The following CCSER1 variants were observed in gnomAD, a reference collection of about 807,000 sequenced individuals.
CCSER1 encodes the protein coiled-coil serine rich protein 1, also known as serine-rich coiled-coil domain-containing protein 1.
In CCSER1, 41 loss-of-function variants were observed where a neutral mutation model predicts 82.0. The ratio of observed to expected loss-of-function variants is 0.50; its 90% CI spans 0.39 to 0.65. The LOEUF (loss-of-function observed/expected upper bound fraction) is 0.65, where lower values mean the gene tolerates loss of function less well. Ranked by LOEUF, CCSER1 falls within the 30% of genes least tolerant of loss-of-function variation. The pLI is 0.00. For synonymous variants in CCSER1, 414 were observed against 383.9 expected (o/e 1.08, Z -0.92); for missense variants, 1,119 against 1,064.2 (o/e 1.05, Z -0.72).
intron 5 of CCSER1, among the ~76,000 whole-genome samples, chr4:90,577,054 T>C (rs1271303310): frequency 1.3e-5 from 2 of 152,138 alleles, no homozygotes; most frequent in Non-Finnish European, 2.9e-5. Flanking sequence ...ATTAATGTTC[T>C]GCATTTTGGC....
chr4:90,771,293 A>G (rs1201935877), intron 7 of CCSER1, among the ~76,000 whole-genome samples: 1 of 151,992 alleles, frequency 6.6e-6, no homozygotes, highest in African/African-American at 2.4e-5. Flanking sequence ...AAAATATATT[A>G]TTCTAAGATT....
chr4:90,448,457 A>ATG (rs1322180835), intron 4 of CCSER1, among the ~76,000 whole-genome samples: 2 of 105,306 alleles, frequency 1.9e-5, no homozygotes, highest in Non-Finnish European at 3.7e-5. Context: ...ATATATATAT[A>ATG]TATATATATA....
At chr4:91,259,604 C>G (rs1478211629) in intron 10 of CCSER1, among the ~76,000 whole-genome samples, 1 of 151,286 alleles carries the variant, frequency 6.6e-6, no homozygotes, top group Non-Finnish European at 1.5e-5. Context: ...CCCCCACCCT[C>G]CAACAGGCCC....
chr4:91,136,438 G>A (rs985176534), intron 10 of CCSER1, among the ~76,000 whole-genome samples: 1 of 152,104 alleles, frequency 6.6e-6, no homozygotes, highest in Non-Finnish European at 1.5e-5. Flanking sequence ...ATCAACCTGT[G>A]AGCATCTGTA....
chr4:90,169,727 T>C (rs903507196), intron 1 of CCSER1, among the ~76,000 whole-genome samples: 1 of 152,072 alleles, frequency 6.6e-6, no homozygotes, highest in African/African-American at 2.4e-5. Context: ...CTTCTTCCAT[T>C]CTCACTACAT....
At chr4:91,107,246 C>G (rs1369582418) in intron 10 of CCSER1, among the ~76,000 whole-genome samples, 1 of 151,908 alleles carries the variant, frequency 6.6e-6, no homozygotes, top group African/African-American at 2.4e-5. Context: ...AATAAAATCA[C>G]CTGACAATGC....
chr4:91,262,680 A>G (rs9307094), intron 10 of CCSER1, among the ~76,000 whole-genome samples: 41,297 of 151,930 alleles, frequency 0.27, 5,714 homozygotes, highest in South Asian at 0.39. Flanking sequence ...AAAAGATCAT[A>G]AAGCTCTTTA....
At chr4:91,516,573 T>C (rs1031942296) in intron 10 of CCSER1, among the ~76,000 whole-genome samples, 3 of 152,176 alleles carry the variant, frequency 2.0e-5, no homozygotes, top group African/African-American at 7.2e-5. Flanking sequence ...TATATGTCTG[T>C]TTTTTGTATT....
intron 8 of CCSER1, among the ~76,000 whole-genome samples, chr4:90,889,564 T>C (rs1026967303): frequency 6.6e-6 from 1 of 151,930 alleles, no homozygotes; most frequent in Non-Finnish European, 1.5e-5. Context: ...CTAGAGCAAA[T>C]TTTTTTTAAT....
intron 10 of CCSER1, among the ~76,000 whole-genome samples, chr4:91,405,809 G>A (rs373436077): frequency 3.3e-5 from 5 of 152,122 alleles, no homozygotes; most frequent in Admixed American, 6.5e-5. Flanking sequence ...GGAATTCTCC[G>A]ACCCCTTGCA....
intron 5 of CCSER1, among the ~76,000 whole-genome samples, chr4:90,579,924 A>G (rs1399611181): frequency 6.6e-6 from 1 of 152,130 alleles, no homozygotes; most frequent in East Asian, 1.9e-4. Context: ...ATTATTATGT[A>G]GCTATTCTCT....
At chr4:91,400,913 AT>A (rs1189471066) in intron 10 of CCSER1, among the ~76,000 whole-genome samples, 1 of 151,830 alleles carries the variant, frequency 6.6e-6, no homozygotes, top group Non-Finnish European at 1.5e-5. Flanking sequence ...AGTGATTTAG[AT>A]TGCTGACATT....
chr4:90,169,822 C>CT (rs58783378), intron 1 of CCSER1, among the ~76,000 whole-genome samples: 47,179 of 151,572 alleles, frequency 0.31, 8,602 homozygotes, highest in East Asian at 0.64. Flanking sequence ...CACTGGGTTA[C>CT]ACATGTACTT....
At chr4:91,388,368 T>A (rs574431720) in intron 10 of CCSER1, among the ~76,000 whole-genome samples, 2 of 152,246 alleles carry the variant, frequency 1.3e-5, no homozygotes, top group South Asian at 4.1e-4. Flanking sequence ...GATGTTTTAA[T>A]AATTGTACCA....
At chr4:91,189,101 G>C (rs1459011694) in intron 10 of CCSER1, among the ~76,000 whole-genome samples, 6 of 152,070 alleles carry the variant, frequency 3.9e-5, no homozygotes, top group African/African-American at 1.4e-4. Context: ...TTTCTAGAGA[G>C]CCTAAATGTT....
intron 10 of CCSER1, among the ~76,000 whole-genome samples, chr4:91,584,981 G>A (rs965928650): frequency 2.6e-5 from 4 of 151,514 alleles, no homozygotes; most frequent in Admixed American, 2.0e-4. Context: ...TCCCAATTAT[G>A]TAACCTTTCT....
At chr4:91,009,391 T>A (rs1414317682) in intron 9 of CCSER1, among the ~76,000 whole-genome samples, 2 of 152,226 alleles carry the variant, frequency 1.3e-5, no homozygotes, top group African/African-American at 2.4e-5. Flanking sequence ...AGCATTTTAA[T>A]GAGCTCTCTT....
At chr4:90,276,254 C>CTTTCTTT (rs1560929885) in intron 1 of CCSER1, among the ~76,000 whole-genome samples, 2 of 75,610 alleles carry the variant, frequency 2.6e-5, no homozygotes, top group African/African-American at 1.1e-4. Context: ...TTCTTTCTTT[C>CTTTCTTT]CTTCCTTCCT....
At chr4:90,381,023 A>T (rs1325574451) in intron 3 of CCSER1, among the ~76,000 whole-genome samples, 1 of 152,242 alleles carries the variant, frequency 6.6e-6, no homozygotes, top group Non-Finnish European at 1.5e-5. Flanking sequence ...GGCACCCAGG[A>T]GTGCTGGCCC....
Sources: gnomAD v4.1 joint callset for allele counts (sites outside exome capture counted in the v4.1 genomes callset) on GRCh38, gnomAD v4.1.1 for gene constraint, MANE v1.5 for transcripts, NCBI Gene and HGNC (gene_info 2026-07-23, HGNC 2026-07-21) for gene names.